The following MFSD1 variants were observed in gnomAD, a reference collection of about 807,000 sequenced individuals.
MFSD1 encodes the protein lysosomal dipeptide transporter MFSD1.
MFSD1 carries 59 observed loss-of-function variants against 67.1 expected under a neutral mutation model. The observed-to-expected ratio is 0.88, with a 90% CI of 0.71 to 1.09. The LOEUF (loss-of-function observed/expected upper bound fraction) is 1.09, where lower values mean the gene tolerates loss of function less well. Ranked by LOEUF, MFSD1 falls within the 50% of genes least tolerant of loss-of-function variation. The pLI, the probability that MFSD1 is intolerant of heterozygous loss-of-function variation, is 0.00. For missense variants in MFSD1, 552 were observed against 566.1 expected (o/e 0.97, Z 0.25); for synonymous variants, 213 against 200.3 (o/e 1.06, Z -0.54).
chr3:158,822,174 G>C lies in MFSD1; in HGVS notation c.1077+34G>C, dbSNP rs750738166. The C allele has an allele frequency of 1.0e-4, 163 of 1,572,470 alleles. 1 individual carries two copies. The highest frequency in any genetic ancestry group is 1.3e-4 in the Non-Finnish European group (154 of 1,149,434). The stretch of plus-strand genomic sequence containing the variant: ...TGTGTTAGCCCATGGTGGGGTCAGG[G>C]CTTCAGCAAGGAGTCTGTCATGTTC... On this transcript the variant is annotated intron_variant, in intron 11 of 15. Transcript: ENST00000415822.
chr3:158,806,415 A>G (rs781386042), intron 3 of MFSD1, among the ~76,000 whole-genome samples: 28 of 152,174 alleles, frequency 1.8e-4, no homozygotes, highest in Non-Finnish European at 2.8e-4. Flanking sequence ...AGAACATGGC[A>G]TGGTCATTTC....
rs769367528 is a variant in MFSD1, at chr3:158,802,204, G to C, written c.52G>C (p.Glu18Gln). 1.9e-6 allele frequency: 3 copies of C among 1,610,564 alleles called. No homozygotes were observed. The highest frequency in any genetic ancestry group is 2.5e-6 in the Non-Finnish European group (3 of 1,178,984). ...ARALLAGGPD[E>Q]ADRGAPAAPG... ...GGCGCTCCTGGCAGGCGGCCCTGACGAGGCCGACAGAGGTGCCCCGGCCGC... is the reference window on the plus strand; with the variant it reads ...GGCGCTCCTGGCAGGCGGCCCTGACCAGGCCGACAGAGGTGCCCCGGCCGC... Residue 18 changes from glutamate (E) to glutamine (Q), a missense_variant, in exon 1 of 16, where the codon GAG (glutamate) becomes CAG (glutamine). Glu to Gln is a conservative substitution (Grantham distance 29). Transcript: ENST00000415822.
At chr3:158,806,998 TC>T in intron 3 of MFSD1, 41 bp from the exon 4 acceptor site, 1 of 1,527,180 alleles carries the variant, frequency 6.5e-7, no homozygotes, top group Admixed American at 1.9e-5. Context: ...ATTTTTTTTT[TC>T]TTTTTCTTTT....
At position 158,821,992 on chromosome 3, in the gene MFSD1, A is replaced by G. The variant is rs1353791510; in HGVS notation, c.929A>G (p.Tyr310Cys). Residue 310 changes from tyrosine (Y) to cysteine (C), a missense_variant, in exon 11 of 16, where the codon TAT (tyrosine) becomes TGT (cysteine). Physicochemically the swap from Tyr to Cys is radical, Grantham distance 194. Transcript: ENST00000415822. ...ATGTGTTCTCTGGGCAGTGTTGTAT[A>G]TGTCATATCAGCTCCCATGTCCCCG... Reference protein sequence around the residue: ...QAASAINSVVYVISAPMSPVF... With the variant: ...QAASAINSVVCVISAPMSPVF... The G allele has an allele frequency of 1.2e-6, 2 of 1,613,472 alleles. No individual in the cohort carries two copies. The highest frequency in any genetic ancestry group is 1.1e-5 in the South Asian group (1 of 91,034).
chr3:158,814,629 A>G (rs1241889950), intron 7 of MFSD1, among the ~76,000 whole-genome samples: 2 of 151,944 alleles, frequency 1.3e-5, no homozygotes, highest in East Asian at 1.9e-4. Flanking sequence ...CCTGTTGTCT[A>G]CTTTAATATT....
chr3:158,827,358 A>G (rs1731030595), intron 15 of MFSD1, 21 bp downstream of exon 15: 1 of 1,391,736 alleles, frequency 7.2e-7, no homozygotes, highest in Non-Finnish European at 9.7e-7. Flanking sequence ...AAAGGGTAAA[A>G]AGTTGTCTTT....
chr3:158,811,567 A>C (rs1275640263), intron 6 of MFSD1, among the ~76,000 whole-genome samples: 1 of 152,206 alleles, frequency 6.6e-6, no homozygotes, highest in African/African-American at 2.4e-5. Flanking sequence ...GGTTGAGAAG[A>C]TCGAGATGGA....
rs574327122 is a variant in MFSD1 at position 158,821,740 on chromosome 3, A to G, written c.920+87A>G. 85 of 1,187,412 alleles carry G rather than the reference A, an allele frequency of 7.2e-5. 2 individuals carry two copies. The South Asian group carries it at 1.1e-3, about 15-fold the overall frequency. 73.6% of individuals were successfully genotyped at this position (1,187,412 alleles called of 1,614,324 possible). Reference sequence around the variant, plus strand: ...ATGTTAAAAGAAGCAAAAAAGATGTATGTGACCTAATATTTTTTAAGTGCG... The same window carrying G: ...ATGTTAAAAGAAGCAAAAAAGATGTGTGTGACCTAATATTTTTTAAGTGCG... On this transcript the variant is annotated intron_variant, in intron 10 of 15. Transcript: ENST00000415822.
intron 6 of MFSD1, 95 bp downstream of exon 6, chr3:158,809,382 A>G (rs1215471216): frequency 1.3e-6 from 1 of 786,898 alleles, no homozygotes; most frequent in East Asian, 2.6e-5. Context: ...GTATTTGTGT[A>G]TGGTAAATTA....
Position 158,819,664 on chromosome 3 carries a change from T to G in MFSD1, c.668T>G (p.Ile223Ser). 6.3e-7 allele frequency: 1 copy of G among 1,583,646 alleles called. No homozygotes were observed. Among genetic ancestry groups the G allele is most frequent in the Non-Finnish European group, 8.6e-7 (1 of 1,157,824 alleles). The change falls in exon 8 of 16, where the codon ATT (isoleucine) becomes AGT (serine). Residue 223 changes from isoleucine (I) to serine (S), a missense_variant. Physicochemically the swap from Ile to Ser is moderately radical, Grantham distance 142. Transcript: ENST00000415822. Reference protein sequence around the residue: ...ITLMIGGITCILSLICALALA... With the variant: ...ITLMIGGITCSLSLICALALA... ...TTTTATTTAGGGGGTATAACGTGTATTCTTTCACTAATCTGTGCCTTGGCT... is the reference window on the plus strand; with the variant it reads ...TTTTATTTAGGGGGTATAACGTGTAGTCTTTCACTAATCTGTGCCTTGGCT...
At chr3:158,803,693 A>G (rs779066974) in intron 1 of MFSD1, among the ~76,000 whole-genome samples, 2 of 152,192 alleles carry the variant, frequency 1.3e-5, no homozygotes, top group African/African-American at 4.8e-5. Context: ...CAATTATTTT[A>G]TCTTTAAAAT....
chr3:158,810,293 C>T (rs549518820), intron 6 of MFSD1, among the ~76,000 whole-genome samples: 5 of 152,106 alleles, frequency 3.3e-5, no homozygotes, highest in African/African-American at 1.2e-4. Flanking sequence ...CTCAAGAATT[C>T]CCATGAATAG....
chr3:158,817,047 A>G (rs985826068), intron 7 of MFSD1, among the ~76,000 whole-genome samples: 9 of 152,208 alleles, frequency 5.9e-5, no homozygotes, highest in African/African-American at 2.2e-4. Context: ...TGTTTTGGTT[A>G]CTGTAGCCTT....
Position 158,819,161 on chromosome 3 carries a change from C to T in MFSD1, c.653-488C>T, listed in dbSNP as rs1043074641. 5.1e-4 allele frequency among the ~76,000 whole-genome samples: 78 copies of T among 152,232 alleles called. 1 individual carries two copies. Among genetic ancestry groups the T allele is most frequent in the Middle Eastern group, 3.4e-3 (1 of 294 alleles). On this transcript the variant is annotated intron_variant, in intron 7 of 15. Coordinates refer to ENST00000415822, the MANE Select transcript of MFSD1 (RefSeq NM_022736.4). Reference sequence around the variant, plus strand: ...CACAGGAAAGAGCTTGAGAGTACTGCGCTTTGGGAGGATGGGGCACTTGGG... The same window carrying T: ...CACAGGAAAGAGCTTGAGAGTACTGTGCTTTGGGAGGATGGGGCACTTGGG...
intron 11 of MFSD1, 122 bp downstream of exon 11, chr3:158,822,262 C>G: frequency 1.4e-6 from 1 of 702,082 alleles, no homozygotes; most frequent in African/African-American, 1.7e-5. Flanking sequence ...GAGATGACAA[C>G]TTGATTCCAA....
chr3:158,824,923 A>G (rs1298127641), intron 13 of MFSD1, among the ~76,000 whole-genome samples: 4 of 152,230 alleles, frequency 2.6e-5, no homozygotes, highest in African/African-American at 9.6e-5. Flanking sequence ...CCTTGAGTGC[A>G]TTTTATTATC....
chr3:158,803,429 A>C (rs12638831), intron 1 of MFSD1, among the ~76,000 whole-genome samples: 45,801 of 151,778 alleles, frequency 0.3, 6,976 homozygotes, highest in Admixed American at 0.31. Context: ...TCCTTAAAAG[A>C]GATTAAAGCA....
At chr3:158,822,894 A>G (rs1026110019) in intron 11 of MFSD1, 4 of 154,952 alleles carry the variant, frequency 2.6e-5, no homozygotes, top group Non-Finnish European at 4.3e-5. Flanking sequence ...TGCCAATCTG[A>G]TAGTTATAAG....
At position 158,804,360 on chromosome 3, in the gene MFSD1, CAAGTT is replaced by C. The variant is rs751738847; in HGVS notation, c.208_212del (p.Val70ThrfsTer46). ...TGATAATCCTGCTGCCCTTCAGACTCAAGTTAAACGAGTAAGTTGATTTTTCACTC... is the reference window on the plus strand; with the variant it reads ...TGATAATCCTGCTGCCCTTCAGACTCAAACGAGTAAGTTGATTTTTCACTC... On this transcript the variant is annotated frameshift_variant, in exon 2 of 16. Transcript: ENST00000415822. LOFTEE classifies it high-confidence loss of function. 7 of 1,610,880 alleles carry C rather than the reference CAAGTT, an allele frequency of 4.3e-6. No individual in the cohort carries two copies. The South Asian group carries it at 6.6e-5, about 15-fold the overall frequency.
Sources: gnomAD v4.1 joint callset for allele counts (sites outside exome capture counted in the v4.1 genomes callset) on GRCh38, gnomAD v4.1.1 for gene constraint, MANE v1.5 for transcripts, NCBI Gene and HGNC (gene_info 2026-07-23, HGNC 2026-07-21) for gene names.